The following TPST2 variants were observed in gnomAD, a reference collection of about 807,000 sequenced individuals.
TPST2 encodes protein-tyrosine sulfotransferase 2.
Under a neutral mutation model 27.8 loss-of-function variants are expected in TPST2, and 16 were observed. The ratio of observed to expected loss-of-function variants is 0.58; its 90% CI spans 0.39 to 0.88. TPST2 has a LOEUF of 0.88. Among genes scored for constraint, TPST2 ranks in the 40% least tolerant of loss-of-function variants. The probability of loss-of-function intolerance (pLI) is 0.00; values close to 1 mark genes in which losing one functional copy is unlikely to be tolerated. For missense variants in TPST2, 464 were observed against 543.1 expected (o/e 0.85, Z 1.45); for synonymous variants, 229 against 231.7 (o/e 0.99, Z 0.10).
chr22:26,531,309 A>C (rs1925149091), intron 5 of TPST2, among the ~76,000 whole-genome samples: 2 of 152,226 alleles, frequency 1.3e-5, no homozygotes, highest in Admixed American at 6.5e-5. Context: ...TAGCACATGC[A>C]TTCCACAGAA....
At chr22:26,578,686 C>T (rs1380485149) in intron 1 of TPST2, among the ~76,000 whole-genome samples, 1 of 152,092 alleles carries the variant, frequency 6.6e-6, no homozygotes, top group African/African-American at 2.4e-5. Flanking sequence ...GTCAAAGCAG[C>T]CACCAGCTCA....
intron 4 of TPST2, among the ~76,000 whole-genome samples, chr22:26,533,465 T>A (rs1030565552): frequency 2.6e-5 from 4 of 152,016 alleles, no homozygotes; most frequent in Non-Finnish European, 5.9e-5. Flanking sequence ...TTGAAATAGA[T>A]AACCTTTGAG....
chr22:26,541,865 C>T lies in TPST2; in HGVS notation c.-88-147G>A. 2 of 778,070 alleles carry T rather than the reference C, an allele frequency of 2.6e-6. No individual in the cohort carries two copies. Among genetic ancestry groups the T allele is most frequent in the Admixed American group, 3.6e-5 (1 of 27,494 alleles). The allele number at this position is 778,070 out of a possible 1,614,324, so 48.2% of individuals were successfully genotyped here. A position where few individuals can be genotyped will look rare whatever the true frequency, so the allele number is the denominator to read the frequency against. ...ATAAGCACTAGCTGTGTGCCTGGCA[C>T]CCTGCTGGGCACTTTTTTCAATTTT... On this transcript the variant is annotated intron_variant, in intron 2 of 6. Coordinates refer to ENST00000338754, the MANE Select transcript of TPST2 (RefSeq NM_003595.5). The surrounding 1 kb of genome is among the most constrained non-coding windows in gnomAD (Gnocchi z 5.9).
At chr22:26,552,953 G>C (rs551353639) in intron 1 of TPST2, among the ~76,000 whole-genome samples, 1 of 151,066 alleles carries the variant, frequency 6.6e-6, no homozygotes, top group African/African-American at 2.4e-5. Flanking sequence ...CCAGCTACTC[G>C]AGAGCCTGAG....
At chr22:26,580,454 CCCAGCCCCCT>C (rs1928056492) in intron 1 of TPST2, among the ~76,000 whole-genome samples, 2 of 152,282 alleles carry the variant, frequency 1.3e-5, no homozygotes, top group Non-Finnish European at 2.9e-5. Context: ...TGACTACTGG[CCCAGCCCCCT>C]CCAGCCCTCT....
chr22:26,581,789 A>G (rs533816440), intron 1 of TPST2, among the ~76,000 whole-genome samples: 1 of 152,280 alleles, frequency 6.6e-6, no homozygotes, highest in East Asian at 1.9e-4. Flanking sequence ...AAGTTTTATA[A>G]CTTGTAGGGA....
At chr22:26,551,681 G>A (rs1158051339) in intron 1 of TPST2, among the ~76,000 whole-genome samples, 1 of 151,970 alleles carries the variant, frequency 6.6e-6, no homozygotes, top group Non-Finnish European at 1.5e-5. Flanking sequence ...TGAGGCTGGG[G>A]GTCACATCCT....
chr22:26,570,029 A>AAGACAGACAGAC (rs1284785627), intron 1 of TPST2, among the ~76,000 whole-genome samples: 1 of 126,736 alleles, frequency 7.9e-6, no homozygotes, highest in African/African-American at 3.5e-5. Flanking sequence ...GAAAGAAAGA[A>AAGACAGACAGAC]AGAAAGAAAG....
chr22:26,579,081 A>G (rs1052148245), intron 1 of TPST2, among the ~76,000 whole-genome samples: 1 of 152,142 alleles, frequency 6.6e-6, no homozygotes, highest in African/African-American at 2.4e-5. Context: ...TGAACCCCTG[A>G]GCTCACGCAA....
chr22:26,589,563 C>T (rs1044854373), intron 1 of TPST2, among the ~76,000 whole-genome samples: 3 of 152,216 alleles, frequency 2.0e-5, no homozygotes. Context: ...CGCCCACCTC[C>T]CCAGCCGACG....
intron 1 of TPST2, among the ~76,000 whole-genome samples, chr22:26,577,248 G>A (rs1223744719): frequency 6.8e-6 from 1 of 147,280 alleles, no homozygotes; most frequent in Non-Finnish European, 1.5e-5. Context: ...CTGGGTGACA[G>A]GGCAAAACCC....
At chr22:26,568,190 T>A (rs1472555851) in intron 1 of TPST2, among the ~76,000 whole-genome samples, 2 of 152,062 alleles carry the variant, frequency 1.3e-5, no homozygotes, top group Non-Finnish European at 2.9e-5. Flanking sequence ...GATAAACAAG[T>A]AAATACAAAT....
chr22:26,559,763 C>A (rs1045967116), intron 1 of TPST2, among the ~76,000 whole-genome samples: 4 of 152,158 alleles, frequency 2.6e-5, no homozygotes, highest in Non-Finnish European at 4.4e-5. Flanking sequence ...ACTTGATCAT[C>A]CCCTGCTGCC....
At chr22:26,552,883 T>C (rs1602276025) in intron 1 of TPST2, among the ~76,000 whole-genome samples, 1 of 151,718 alleles carries the variant, frequency 6.6e-6, no homozygotes, top group African/African-American at 2.4e-5. Flanking sequence ...AACATGGTGA[T>C]ACCCCATCTC....
intron 3 of TPST2, among the ~76,000 whole-genome samples, chr22:26,539,411 G>A (rs971108768): frequency 3.3e-5 from 5 of 152,126 alleles, no homozygotes; most frequent in Non-Finnish European, 7.4e-5. Context: ...AGGGACAGAG[G>A]GAGGAAGGAA....
intron 1 of TPST2, among the ~76,000 whole-genome samples, chr22:26,586,022 A>G (rs1928333011): frequency 6.6e-6 from 1 of 152,112 alleles, no homozygotes. Context: ...CAGCCTGGAC[A>G]ACACAGCGAA....
intron 1 of TPST2, among the ~76,000 whole-genome samples, chr22:26,551,307 C>A (rs752271043): frequency 1.8e-4 from 27 of 152,118 alleles, no homozygotes; most frequent in South Asian, 8.3e-4. Context: ...AACAAACAAA[C>A]AAAAAAACAT....
chr22:26,564,347 G>C (rs1927279015), intron 1 of TPST2, among the ~76,000 whole-genome samples: 1 of 152,240 alleles, frequency 6.6e-6, no homozygotes, highest in Non-Finnish European at 1.5e-5. Context: ...AGGCTTAGTG[G>C]GCTGGACATC....
chr22:26,561,604 AT>A (rs1259537802), intron 1 of TPST2, among the ~76,000 whole-genome samples: 1 of 152,090 alleles, frequency 6.6e-6, no homozygotes, highest in Admixed American at 6.5e-5. Flanking sequence ...AGTAAATACA[AT>A]TTTTTTATTA....
Sources: allele counts gnomAD v4.1 joint callset (sites outside exome capture counted in the v4.1 genomes callset), GRCh38; gene constraint gnomAD v4.1.1; non-coding constraint Gnocchi (gnomAD v3.1); transcripts MANE v1.5; gene names NCBI Gene and HGNC (gene_info 2026-07-23, HGNC 2026-07-21).